ANK2: variants seen among roughly 807,000 people sequenced by gnomAD.
The protein encoded by ANK2 is ankyrin-2.
A neutral mutation model predicts 360.5 loss-of-function variants in ANK2; 83 were observed. The observed-to-expected ratio is 0.23, with a 90% CI of 0.19 to 0.28. The LOEUF is 0.28. Among genes scored for constraint, ANK2 ranks in the 10% least tolerant of loss-of-function variants. The probability of loss-of-function intolerance (pLI) is 1.00; values close to 1 mark genes in which losing one functional copy is unlikely to be tolerated. For missense variants in ANK2, 4,201 were observed against 4,795.7 expected (o/e 0.88, Z 3.66); for synonymous variants, 1,740 against 1,759.5 (o/e 0.99, Z 0.28).
At chr4:113,094,517 C>CGT (rs35254461) in intron 1 of ANK2, among the ~76,000 whole-genome samples, 32,552 of 149,372 alleles carry the variant, frequency 0.22, 4,143 homozygotes, top group Non-Finnish European at 0.31. Flanking sequence ...GGGTGCAGCA[C>CGT]GTGTGTGTGT....
chr4:112,866,438 A>G (rs2070570561), intron 1 of ANK2, among the ~76,000 whole-genome samples: 1 of 152,230 alleles, frequency 6.6e-6, no homozygotes, highest in African/African-American at 2.4e-5. Context: ...TAAAAATAAC[A>G]TGAAGTTGAG....
chr4:113,239,361 T>G (rs1167416330), intron 7 of ANK2, among the ~76,000 whole-genome samples: 1 of 152,100 alleles, frequency 6.6e-6, no homozygotes, highest in East Asian at 1.9e-4. Context: ...CACCAAAGCC[T>G]ATAGATCAAC....
At chr4:112,991,849 G>GT (rs78414072) in intron 2 of ANK2, among the ~76,000 whole-genome samples, 10,578 of 145,940 alleles carry the variant, frequency 0.072, 879 homozygotes, top group East Asian at 0.24. Context: ...GTTCAGCCAA[G>GT]TTTTTTTTTT....
At chr4:112,987,041 A>C (rs1044759193) in intron 2 of ANK2, among the ~76,000 whole-genome samples, 5 of 152,232 alleles carry the variant, frequency 3.3e-5, no homozygotes, top group African/African-American at 1.2e-4. Flanking sequence ...TAAAACACAC[A>C]CAAAAAAAAT....
At chr4:112,715,839 T>A in the ANK2 span, among the ~76,000 whole-genome samples, 3 of 152,090 alleles carry the variant, frequency 2.0e-5, no homozygotes, top group Non-Finnish European at 4.4e-5. Context: ...CACTTTTTCT[T>A]TGCAGCTATG....
At chr4:112,921,394 T>C (rs1241513789) in intron 2 of ANK2, among the ~76,000 whole-genome samples, 2 of 151,726 alleles carry the variant, frequency 1.3e-5, no homozygotes, top group African/African-American at 4.8e-5. Context: ...TTTTTTTTTT[T>C]TTTTTAACTG....
At position 113,337,613 on chromosome 4, in the gene ANK2, A is replaced by C. The variant is rs560535074; in HGVS notation, c.3796+832A>C. ...TTGTATTGTTAGAATTATTATTTTC[A>C]TTTCTCTTTCATATTGGCAGAATGT... On this transcript the variant is annotated intron_variant, in intron 31 of 45. Coordinates refer to ENST00000357077, the MANE Select transcript of ANK2 (RefSeq NM_001148.6). Among the ~76,000 whole-genome samples the C allele has an allele frequency of 2.0e-5, 3 of 152,160 alleles. No homozygotes were observed. The Middle Eastern group carries it at 0.01, about 518-fold the overall frequency.
chr4:112,850,502 G>GTTTTTTTTTTTTT (rs1211226104), intron 1 of ANK2, among the ~76,000 whole-genome samples: 1 of 16,428 alleles, frequency 6.1e-5, no homozygotes, highest in Non-Finnish European at 1.1e-4. Flanking sequence ...TCCTGTGCTA[G>GTTTTTTTTTTTTT]TCTTTTTTTT....
At chr4:113,019,685 TC>T (rs552246123) in intron 2 of ANK2, among the ~76,000 whole-genome samples, 104 of 152,310 alleles carry the variant, frequency 6.8e-4, no homozygotes, top group African/African-American at 2.5e-3. Flanking sequence ...TTTCAGTACT[TC>T]CCAGAATCTG....
intron 17 of ANK2, among the ~76,000 whole-genome samples, chr4:113,282,028 T>A (rs2062603598): frequency 6.6e-6 from 1 of 152,238 alleles, no homozygotes; most frequent in Non-Finnish European, 1.5e-5. Context: ...CTGCTCGGCA[T>A]ATTCTAGGCA....
At position 113,357,072 on chromosome 4, in the gene ANK2, T is replaced by G; in HGVS notation, c.8454T>G (p.His2818Gln). ...AATCATTAGCTCTCCAAGGCACTCA[T>G]GAAAAAGACACAGAGGGAGAAGAGC... ...YKESLALQGT[H>Q]EKDTEGEELD... Residue 2818 changes from histidine (H) to glutamine (Q), a missense_variant, in exon 38 of 46, where the codon CAT (histidine) becomes CAG (glutamine). Physicochemically the swap from His to Gln is conservative, Grantham distance 24. Transcript: ENST00000357077. 6.2e-7 allele frequency: 1 copy of G among 1,614,038 alleles called. No individual in the cohort carries two copies. The highest frequency in any genetic ancestry group is 8.5e-7 in the Non-Finnish European group (1 of 1,179,964).
chr4:113,277,755 C>A, intron 15 of ANK2, 82 bp from the exon 16 acceptor site: 1 of 1,108,764 alleles, frequency 9.0e-7, no homozygotes, highest in Non-Finnish European at 1.4e-6. Context: ...GTATACTTTG[C>A]TCAATATGTT....
intron 2 of ANK2, among the ~76,000 whole-genome samples, chr4:113,183,570 G>C (rs2098457744): frequency 6.6e-6 from 1 of 152,108 alleles, no homozygotes; most frequent in Non-Finnish European, 1.5e-5. Context: ...GAGATAAGTG[G>C]GCACCGTGAA....
At chr4:113,370,190 G>T (rs2096679182) in intron 43 of ANK2, among the ~76,000 whole-genome samples, 1 of 152,188 alleles carries the variant, frequency 6.6e-6, no homozygotes. Flanking sequence ...GGACCAGCAG[G>T]CTTGTTAGAT....
intron 2 of ANK2, among the ~76,000 whole-genome samples, chr4:113,041,449 T>C (rs2062931668): frequency 6.6e-6 from 1 of 152,162 alleles, no homozygotes; most frequent in Non-Finnish European, 1.5e-5. Context: ...CTCAGTTTGG[T>C]GGTCATGGAA....
At chr4:112,945,600 A>G (rs2094495248) in intron 2 of ANK2, among the ~76,000 whole-genome samples, 2 of 152,156 alleles carry the variant, frequency 1.3e-5, no homozygotes, top group Admixed American at 1.3e-4. Context: ...ATTCCACATA[A>G]TCCCTGCAAA....
At position 113,146,631 on chromosome 4, in the gene ANK2, T is replaced by C. The variant is rs139489853; in HGVS notation, c.85-27785T>C. 1.2e-3 allele frequency among the ~76,000 whole-genome samples: 180 copies of C among 152,188 alleles called. 1 individual carries two copies. The highest frequency in any genetic ancestry group is 3.4e-3 in the Middle Eastern group (1 of 294). Reference sequence around the variant, plus strand: ...AAAAACTTCAGATTTTAATAATTCATAGGCATGATGTGTTCCTTAAAATGG... The same window carrying C: ...AAAAACTTCAGATTTTAATAATTCACAGGCATGATGTGTTCCTTAAAATGG... On this transcript the variant is annotated intron_variant, in intron 1 of 45. Transcript: ENST00000357077.
intron 1 of ANK2, among the ~76,000 whole-genome samples, chr4:113,059,366 A>G (rs537547777): frequency 6.6e-6 from 1 of 152,168 alleles, no homozygotes; most frequent in South Asian, 2.1e-4. Flanking sequence ...CTACATATGA[A>G]TTTGATCTAT....
intron 33 of ANK2, 79 bp downstream of exon 33, chr4:113,341,995 T>G (rs1227864975): frequency 5.5e-6 from 7 of 1,276,752 alleles, no homozygotes; most frequent in Non-Finnish European, 4.4e-6. Context: ...CAAATATCAT[T>G]TAATAAATAG....
Sources: gnomAD v4.1 joint callset for allele counts (sites outside exome capture counted in the v4.1 genomes callset) on GRCh38, gnomAD v4.1.1 for gene constraint, MANE v1.5 for transcripts, NCBI Gene and HGNC (gene_info 2026-07-23, HGNC 2026-07-21) for gene names.